The following PES1 variants were observed in gnomAD, a reference collection of about 807,000 sequenced individuals.
The protein encoded by PES1 is pescadillo homolog.
A neutral mutation model predicts 77.1 loss-of-function variants in PES1; 31 were observed. The observed-to-expected ratio is 0.40, with a 90% confidence interval of 0.30 to 0.54. The LOEUF (loss-of-function observed/expected upper bound fraction) is 0.54. Among genes scored for constraint, PES1 ranks in the 20% least tolerant of loss-of-function variants. PES1 has a pLI of 0.45. For missense variants in PES1, 658 were observed against 771.7 expected, an observed-to-expected ratio of 0.85 and a Z score of 1.75; for synonymous variants, 282 against 303.0, an observed-to-expected ratio of 0.93 and a Z score of 0.72.
At position 30,579,012 on chromosome 22, in the gene PES1, G is replaced by C. The variant is rs1297002483; in HGVS notation, c.1522-14C>G. 1.9e-6 allele frequency: 3 copies of C among 1,608,022 alleles called. No homozygotes were observed. The East Asian group carries it at 6.7e-5, about 36-fold the overall frequency. ...CACCCTGGGCTTCTGGGGACACAAG[G>C]AGGGTGCTTATGGGGGCAGGTTCTC... On this transcript the variant is annotated splice_polypyrimidine_tract_variant and intron_variant, in intron 13 of 14. Coordinates refer to ENST00000354694, the MANE Select transcript of PES1 (RefSeq NM_014303.4).
rs2086903602 is a variant in PES1 at position 30,576,696 on chromosome 22, G to A, written c.*350C>T. ...TACCCTCACCCCATCACAGCACCCT[G>A]AGAATCACGGGTCCAACTGTGTGGG... On this transcript the variant is annotated 3_prime_UTR_variant, in exon 15 of 15. Transcript: ENST00000354694. 3.0e-6 allele frequency: 1 copy of A among 334,920 alleles called. No homozygotes were observed. The highest frequency in any genetic ancestry group is 4.8e-5 in the South Asian group (1 of 20,978). 20.7% of individuals were successfully genotyped at this position (334,920 alleles called of 1,614,324 possible).
chr22:30,605,996 C>T (rs940731160), intron 1 of PES1, among the ~76,000 whole-genome samples: 1 of 152,194 alleles, frequency 6.6e-6, no homozygotes, highest in Non-Finnish European at 1.5e-5. Flanking sequence ...TTGCCTAACC[C>T]TCTCTTCTCA....
chr22:30,587,508 C>G, intron 3 of PES1, 113 bp from the exon 4 acceptor site: 2 of 760,966 alleles, frequency 2.6e-6, no homozygotes, highest in African/African-American at 1.7e-5. Context: ...CTGAAGCTGG[C>G]CACGGCTATG....
upstream of PES1, chr22:30,592,494 A>G: frequency 6.1e-6 from 5 of 813,416 alleles, no homozygotes; most frequent in Non-Finnish European, 7.4e-6. Flanking sequence ...GACTCGTGGT[A>G]TATTTAAAAT....
chr22:30,581,754 T>C, intron 6 of PES1, 110 bp from the exon 7 acceptor site: 1 of 760,224 alleles, frequency 1.3e-6, no homozygotes, highest in East Asian at 2.5e-5. Context: ...GACCCCAAGC[T>C]CCTCAAGAAG....
At chr22:30,606,699 G>A (rs562755030) in intron 1 of PES1, 4 of 15,506 alleles carry the variant, frequency 2.6e-4, no homozygotes, top group African/African-American at 1.5e-3. Context: ...CCACCGAACT[G>A]CCCAACTCCC....
In PES1 at chr22:30,580,152, T is replaced by C. The variant is rs1201769850; in HGVS notation, c.1070A>G (p.Asp357Gly). ...GGTGGCCCCAATGCACAAAGATTTGTCCCAGGACACTTCCCCACCAAAACT... is the reference window on the plus strand; with the variant it reads ...GGTGGCCCCAATGCACAAAGATTTGCCCCAGGACACTTCCCCACCAAAACT... ...IRSFGGEVSW[D>G]KSLCIGATYD... The change falls in exon 11 of 15, where the codon GAC becomes GGC. Residue 357 changes from aspartate (D) to glycine (G), a missense_variant. By Grantham distance (94) the Asp-to-Gly change is moderately conservative. Transcript: ENST00000354694. 2.5e-6 allele frequency: 4 copies of C among 1,613,540 alleles called. No homozygotes were observed. Among genetic ancestry groups the C allele is most frequent in the Non-Finnish European group, 3.4e-6 (4 of 1,179,842 alleles).
Position 30,588,011 on chromosome 22 carries a change from C to T in PES1, c.258+10G>A. 1 of 1,613,180 alleles carries T rather than the reference C, an allele frequency of 6.2e-7. No homozygotes were observed. Among genetic ancestry groups the T allele is most frequent in the South Asian group, 1.1e-5 (1 of 91,044 alleles). On this transcript the variant is annotated intron_variant, in intron 3 of 14. Transcript: ENST00000354694. ...TGAGAACCTGACAGACCCTAGAGCC[C>T]AGACCTCACCTTGTATTCACGGAAC...
chr22:30,599,897 TCAAAA>T lies in PES1; in HGVS notation c.-661+5559_-661+5563del, dbSNP rs370422895. Among the ~76,000 whole-genome samples, 517 of 152,062 alleles carry T rather than the reference TCAAAA, an allele frequency of 3.4e-3. 2 individuals are homozygous for T. Among genetic ancestry groups the T allele is most frequent in the Middle Eastern group, 0.024 (7 of 294 alleles). On this transcript the variant is annotated intron_variant, in intron 2 of 16. Coordinates refer to the PES1 transcript ENST00000402281. ...CCTGGGCAATAAGAGAAATTCCATC[TCAAAA>T]CAAAAAGAAAATGAAAGCAAAAATA... is the stretch of plus-strand genomic sequence containing the variant.
At chr22:30,588,339 A>C (rs776393327) in intron 2 of PES1, among the ~76,000 whole-genome samples, 165 bp from the exon 3 acceptor site, 23 of 152,324 alleles carry the variant, frequency 1.5e-4, no homozygotes, top group Non-Finnish European at 2.1e-4. Flanking sequence ...CATAAAACAA[A>C]AACGCAGACT....
At chr22:30,593,612 A>C (rs1171028126), upstream of PES1, among the ~76,000 whole-genome samples, 1 of 152,140 alleles carries the variant, frequency 6.6e-6, no homozygotes, top group African/African-American at 2.4e-5. Context: ...CAGTCATCTC[A>C]CCCTGTCCCT....
At chr22:30,598,467 T>C (rs976880827) in intron 2 of PES1, 1 of 152,144 alleles carries the variant, frequency 6.6e-6, no homozygotes, top group Non-Finnish European at 1.5e-5. Context: ...TCACTCTGTT[T>C]AGTAGGTTGG....
intron 2 of PES1, among the ~76,000 whole-genome samples, chr22:30,603,456 A>G (rs2087389293): frequency 6.6e-6 from 1 of 151,872 alleles, no homozygotes; most frequent in Non-Finnish European, 1.5e-5. Context: ...ATCTTGGCTC[A>G]CTGCAACCTC....
intron 2 of PES1, chr22:30,601,776 T>A (rs1486112744): frequency 2.9e-5 from 4 of 137,478 alleles, no homozygotes; most frequent in Admixed American, 2.8e-4. Context: ...GTTATGAACT[T>A]TTTTTTTTTT....
chr22:30,589,136 G>A (rs2087137731), intron 2 of PES1, 55 bp downstream of exon 2: 17 of 1,333,812 alleles, frequency 1.3e-5, no homozygotes, highest in Non-Finnish European at 1.7e-5. Context: ...GGATGCAGCT[G>A]AGTTTTCAAT....
chr22:30,580,246 T>G (rs1602006476), intron 10 of PES1, 68 bp from the exon 11 acceptor site: 3 of 1,540,784 alleles, frequency 1.9e-6, no homozygotes, highest in Non-Finnish European at 2.6e-6. Flanking sequence ...CTCAGCTCCC[T>G]GGGACCTGCT....
intron 2 of PES1, among the ~76,000 whole-genome samples, chr22:30,603,510 T>G (rs1295085842): frequency 1.3e-5 from 2 of 152,058 alleles, no homozygotes; most frequent in African/African-American, 2.4e-5. Flanking sequence ...ACCTCCCAAG[T>G]AGCTGGGACC....
Position 30,602,207 on chromosome 22 carries a change from C to T in PES1, c.-661+3254G>A, listed in dbSNP as rs965421521. Among the ~76,000 whole-genome samples, 8 of 152,106 alleles carry T rather than the reference C, an allele frequency of 5.3e-5. No homozygotes were observed. The East Asian group carries it at 1.3e-3, about 26-fold the overall frequency. On this transcript the variant is annotated intron_variant, in intron 2 of 16. Transcript: ENST00000402281. Reference sequence around the variant, plus strand: ...GATCATGGAGGTGGTTTCCCCCATGCTGTTCTCATGATAGAGAGGGAGTTC... The same window carrying T: ...GATCATGGAGGTGGTTTCCCCCATGTTGTTCTCATGATAGAGAGGGAGTTC...
chr22:30,586,734 T>A lies in PES1; in HGVS notation c.368+552A>T, dbSNP rs1602015709. ...ATCCCAGCACTTTGAGAGGCCGAGG[T>A]GGGTAGATCACGTGAGGTCAGCCTG... is the stretch of plus-strand genomic sequence containing the variant. On this transcript the variant is annotated intron_variant, in intron 4 of 14. Coordinates refer to ENST00000354694, the MANE Select transcript of PES1 (RefSeq NM_014303.4). Among the ~76,000 whole-genome samples the A allele has an allele frequency of 3.3e-5, 5 of 152,192 alleles. No individual in the cohort carries two copies. In the South Asian group the frequency reaches 1.0e-3, roughly 32 times the overall value.
Sources: allele counts gnomAD v4.1 joint callset (sites outside exome capture counted in the v4.1 genomes callset), GRCh38; gene constraint gnomAD v4.1.1; transcripts MANE v1.5; gene names NCBI Gene and HGNC (gene_info 2026-07-23, HGNC 2026-07-21).